DNAH11: variants seen among roughly 807,000 people sequenced by gnomAD.
DNAH11 encodes axonemal beta dynein heavy chain 11.
DNAH11 carries 442 observed loss-of-function variants against 526.0 expected under a neutral mutation model. The observed-to-expected ratio is 0.84, with a 90% CI of 0.78 to 0.91. The LOEUF is 0.91. Among genes scored for constraint, DNAH11 ranks in the 40% least tolerant of loss-of-function variants. DNAH11 has a pLI of 0.00. For synonymous variants in DNAH11, 2,461 were observed against 1,935.9 expected (o/e 1.27, Z -7.12); for missense variants, 6,989 against 5,448.7 (o/e 1.28, Z -8.90).
intron 8 of DNAH11, among the ~76,000 whole-genome samples, chr7:21,578,444 C>T (rs1399431886): frequency 6.6e-6 from 1 of 152,208 alleles, no homozygotes; most frequent in Non-Finnish European, 1.5e-5. Flanking sequence ...GCAGCTCCAC[C>T]CCTGTGGCTC....
At chr7:21,544,925 A>G (rs566111961) in intron 1 of DNAH11, 81 bp from the exon 2 acceptor site, 5 of 1,231,278 alleles carry the variant, frequency 4.1e-6, no homozygotes, top group African/African-American at 3.1e-5. Flanking sequence ...TCTGCTAGCA[A>G]TACAGCTACA....
chr7:21,868,863 G>A lies in DNAH11; in HGVS notation c.11840-1G>A. ...TCTCACCGTGGTGTATTCTCCCACA[G>A]GCAAAAGACTTGGCTTTACAATTGA... On this transcript the variant is annotated splice_acceptor_variant, in intron 72 of 81. Transcript: ENST00000409508. LOFTEE classifies it high-confidence loss of function. 1.2e-6 allele frequency: 2 copies of A among 1,613,912 alleles called. No homozygotes were observed. Among genetic ancestry groups the A allele is most frequent in the Non-Finnish European group, 1.7e-6 (2 of 1,179,842 alleles).
intron 62 of DNAH11, among the ~76,000 whole-genome samples, chr7:21,806,730 G>A (rs908326073): frequency 9.9e-5 from 15 of 152,078 alleles, no homozygotes; most frequent in Admixed American, 1.3e-4. Context: ...TATTTTTAGC[G>A]TACATTGAAA....
intron 23 of DNAH11, chr7:21,618,360 C>T (rs1785878527): frequency 6.5e-6 from 1 of 152,738 alleles, no homozygotes; most frequent in Non-Finnish European, 1.5e-5. Context: ...AGGGTGGCAG[C>T]TTCCAAGAAG....
chr7:21,675,355 G>C (rs992169109), intron 30 of DNAH11, among the ~76,000 whole-genome samples: 5 of 152,146 alleles, frequency 3.3e-5, no homozygotes, highest in African/African-American at 9.7e-5. Context: ...GCTGCTTCCT[G>C]TGGCATAACG....
intron 25 of DNAH11, among the ~76,000 whole-genome samples, chr7:21,635,637 A>G (rs1034894213): frequency 7.2e-5 from 11 of 152,174 alleles, no homozygotes; most frequent in African/African-American, 2.7e-4. Flanking sequence ...ATGAGGAGAT[A>G]ACAGTTGCAT....
At chr7:21,872,696 C>A (rs761085391) in intron 73 of DNAH11, among the ~76,000 whole-genome samples, 1 of 152,154 alleles carries the variant, frequency 6.6e-6, no homozygotes, top group Non-Finnish European at 1.5e-5. Flanking sequence ...TTCAACAGAC[C>A]TAGGATTTAA....
At chr7:21,896,063 C>G (rs1488983060) in intron 79 of DNAH11, among the ~76,000 whole-genome samples, 1 of 152,210 alleles carries the variant, frequency 6.6e-6, no homozygotes, top group African/African-American at 2.4e-5. Flanking sequence ...ATGTTAGAGC[C>G]TTCAGCTTCC....
chr7:21,608,034 T>G (rs1401002925), intron 20 of DNAH11, among the ~76,000 whole-genome samples: 1 of 150,828 alleles, frequency 6.6e-6, no homozygotes, highest in Non-Finnish European at 1.5e-5. Flanking sequence ...ATTCTGGCTA[T>G]CTAAACTTTT....
Position 21,616,502 on chromosome 7 carries a change from G to T in DNAH11, c.4095+210G>T, listed in dbSNP as rs557777836. On this transcript the variant is annotated intron_variant, in intron 22 of 81. Transcript: ENST00000409508. ...AGTGAGTTGATAGAAGCATATTAGG[G>T]TTAATGAATTTATGAGAAGCTACTC... Among the ~76,000 whole-genome samples the T allele has an allele frequency of 2.6e-5, 4 of 152,204 alleles. No homozygotes were observed. In the East Asian group the frequency reaches 7.7e-4, roughly 29 times the overall value.
At chr7:21,600,591 A>G in intron 15 of DNAH11, 85 bp from the exon 16 acceptor site, 11 of 1,365,672 alleles carry the variant, frequency 8.1e-6, no homozygotes, top group Non-Finnish European at 1.1e-5. Context: ...CCCTTTGAAG[A>G]ATTACCTTGG....
chr7:21,752,954 AC>A (rs1328001361), intron 54 of DNAH11, among the ~76,000 whole-genome samples: 6 of 152,144 alleles, frequency 3.9e-5, no homozygotes, highest in South Asian at 4.1e-4. Flanking sequence ...CCTCATGTCC[AC>A]CCGCCTTGGC....
chr7:21,631,978 C>T (rs1213386215), intron 25 of DNAH11, among the ~76,000 whole-genome samples: 1 of 152,240 alleles, frequency 6.6e-6, no homozygotes, highest in African/African-American at 2.4e-5. Flanking sequence ...AAACTTCTGC[C>T]TGGGCATCCA....
At chr7:21,612,233 T>G (rs1390672633) in intron 20 of DNAH11, among the ~76,000 whole-genome samples, 1 of 152,026 alleles carries the variant, frequency 6.6e-6, no homozygotes, top group Non-Finnish European at 1.5e-5. Context: ...TATTAACCAG[T>G]AGTTAAAAAA....
intron 29 of DNAH11, among the ~76,000 whole-genome samples, chr7:21,658,303 CTG>C (rs1583569618): frequency 6.6e-6 from 1 of 151,990 alleles, no homozygotes; most frequent in Admixed American, 6.6e-5. Flanking sequence ...TATCTTAAAA[CTG>C]TGAACTATGA....
chr7:21,772,842 T>C (rs1787496100), intron 55 of DNAH11, among the ~76,000 whole-genome samples: 3 of 152,172 alleles, frequency 2.0e-5, no homozygotes, highest in Admixed American at 2.0e-4. Context: ...TTGGCTGGTC[T>C]CTCTTCACAC....
intron 38 of DNAH11, among the ~76,000 whole-genome samples, chr7:21,705,033 C>T (rs918373228): frequency 2.0e-5 from 3 of 152,194 alleles, no homozygotes; most frequent in African/African-American, 7.2e-5. Context: ...TATTATCTGA[C>T]ATATCAAAGC....
chr7:21,797,888 C>G (rs1442118954), intron 61 of DNAH11, among the ~76,000 whole-genome samples: 1 of 152,228 alleles, frequency 6.6e-6, no homozygotes, highest in African/African-American at 2.4e-5. Context: ...GATATTTGCA[C>G]ACCAAGCTAA....
chr7:21,865,926 G>A (rs1031003483), intron 70 of DNAH11, among the ~76,000 whole-genome samples: 1 of 152,154 alleles, frequency 6.6e-6, no homozygotes, highest in Non-Finnish European at 1.5e-5. Context: ...CATGGCATTT[G>A]TAAACTGTAT....
Sources: allele counts gnomAD v4.1 joint callset (sites outside exome capture counted in the v4.1 genomes callset), GRCh38; gene constraint gnomAD v4.1.1; transcripts MANE v1.5; gene names NCBI Gene and HGNC (gene_info 2026-07-23, HGNC 2026-07-21).